DLGAP3: variants seen among roughly 807,000 people sequenced by gnomAD.
The protein encoded by DLGAP3 is DLG associated protein 3.
A neutral mutation model predicts 81.2 loss-of-function variants in DLGAP3; 17 were observed. That is an observed-to-expected ratio of 0.21 (90% CI 0.14 to 0.31). The LOEUF (loss-of-function observed/expected upper bound fraction) is 0.31. Ranked by LOEUF, DLGAP3 falls within the 10% of genes least tolerant of loss-of-function variation. The pLI is 1.00. For synonymous variants in DLGAP3, 577 were observed against 587.4 expected (o/e 0.98, Z 0.26); for missense variants, 1,124 against 1,388.0 (o/e 0.81, Z 3.02).
chr1:34,894,945 A>C (rs1309473686), intron 5 of DLGAP3, among the ~76,000 whole-genome samples: 1 of 152,246 alleles, frequency 6.6e-6, no homozygotes, highest in East Asian at 1.9e-4. Flanking sequence ...AAGATCACTT[A>C]AGTATTTGAG....
chr1:34,904,969 G>T lies in DLGAP3; in HGVS notation c.415C>A (p.Leu139Ile). 1 of 1,613,292 alleles carries T rather than the reference G, an allele frequency of 6.2e-7. No homozygotes were observed. Among genetic ancestry groups the T allele is most frequent in the Non-Finnish European group, 8.5e-7 (1 of 1,179,722 alleles). The change falls in exon 3 of 12, where the codon CTA becomes ATA. Residue 139 changes from leucine to isoleucine, a missense_variant. Physicochemically the swap from Leu to Ile is conservative, Grantham distance 5 (BLOSUM62 2). Coordinates refer to ENST00000373347, the MANE Select transcript of DLGAP3 (RefSeq NM_001080418.3). The surrounding 1 kb of genome is among the most constrained non-coding windows in gnomAD (Gnocchi z 8.1). ...CCTGCTGGCCCTCGCTGGTATGGTA[G>T]TGTGTGGAAGCCATCTTGTTGAACT... ...LPVQQDGFHT[L>I]PYQRGPAGAG...
intron 7 of DLGAP3, 24 bp from the exon 8 acceptor site, chr1:34,885,087 G>C (rs750312128): frequency 1.2e-6 from 2 of 1,602,716 alleles, no homozygotes; most frequent in Admixed American, 3.3e-5. Context: ...GGAGGAGTCA[G>C]TGGCTGTGGC....
At chr1:34,883,684 G>A (rs1639178967) in intron 8 of DLGAP3, among the ~76,000 whole-genome samples, 1 of 152,130 alleles carries the variant, frequency 6.6e-6, no homozygotes, top group African/African-American at 2.4e-5. Context: ...AACCAGGGCA[G>A]CATTATGCCA....
chr1:34,916,820 C>G (rs571158791), intron 1 of DLGAP3, among the ~76,000 whole-genome samples: 2 of 151,992 alleles, frequency 1.3e-5, no homozygotes, highest in Non-Finnish European at 2.9e-5. Context: ...CTCAGCTTCC[C>G]GAGTAGCTGA....
chr1:34,922,188 A>C (rs1354319018), intron 1 of DLGAP3, among the ~76,000 whole-genome samples: 5 of 152,134 alleles, frequency 3.3e-5, no homozygotes, highest in Admixed American at 1.3e-4. Context: ...GGCTATCCCC[A>C]AGGCCTTATA....
At chr1:34,903,663 T>C (rs961991711) in intron 3 of DLGAP3, among the ~76,000 whole-genome samples, 5 of 152,242 alleles carry the variant, frequency 3.3e-5, no homozygotes, top group South Asian at 2.1e-4. Flanking sequence ...CTGCCTGAAT[T>C]GTATCAGGGC....
In DLGAP3 at chr1:34,867,242, C is replaced by A. The variant is rs756418337; in HGVS notation, c.2578-51G>T. On this transcript the variant is annotated intron_variant, in intron 10 of 11. Coordinates refer to ENST00000373347, the MANE Select transcript of DLGAP3 (RefSeq NM_001080418.3). This position sits in a 1 kb window ranked among gnomAD's most constrained non-coding sequence, Gnocchi z 4.3. ...AGTGATTGGTCAAGGAGGTCTGAGCCCCAGCCAGGACAAGAGAAAGTCCTA... is the reference window on the plus strand; with the variant it reads ...AGTGATTGGTCAAGGAGGTCTGAGCACCAGCCAGGACAAGAGAAAGTCCTA... 11 of 1,611,460 alleles carry A rather than the reference C, an allele frequency of 6.8e-6. No individual in the cohort carries two copies. The South Asian group carries it at 1.1e-4, about 16-fold the overall frequency.
At position 34,886,300 on chromosome 1, in the gene DLGAP3, G is replaced by T. The variant is rs372105244; in HGVS notation, c.1387-15C>A. 2 of 1,560,350 alleles carry T rather than the reference G, an allele frequency of 1.3e-6. No individual in the cohort carries two copies. Among genetic ancestry groups the T allele is most frequent in the Non-Finnish European group, 1.7e-6 (2 of 1,151,956 alleles). ...TCATCGCTGAGCTGGGGGGCAGGGG[G>T]TCGGGAGGACAGTTATAAGGTGCCG... On this transcript the variant is annotated splice_polypyrimidine_tract_variant and intron_variant, in intron 5 of 11. Transcript: ENST00000373347.
intron 5 of DLGAP3, among the ~76,000 whole-genome samples, chr1:34,893,142 G>A (rs1479325062): frequency 4.9e-5 from 7 of 142,146 alleles, no homozygotes; most frequent in Non-Finnish European, 1.1e-4. Context: ...ACTGCAGTCC[G>A]CAGTCCGGCC....
In DLGAP3 at chr1:34,900,357, A is replaced by T; in HGVS notation, c.1108-84T>A. 3 of 1,434,830 alleles carry T rather than the reference A, an allele frequency of 2.1e-6. No individual in the cohort carries two copies. The highest frequency in any genetic ancestry group is 2.9e-6 in the Non-Finnish European group (3 of 1,026,098). 88.9% of individuals were successfully genotyped at this position (1,434,830 alleles called of 1,614,324 possible). A position where few individuals can be genotyped will look rare whatever the true frequency, so the allele number is the denominator to read the frequency against. ...ACTCTTTCCCCACTGCCAGTGGGAG[A>T]TGCCCTGCCCTGGCTTGAACAGGCA... On this transcript the variant is annotated intron_variant, in intron 3 of 11. Transcript: ENST00000373347. The surrounding 1 kb of genome is among the most constrained non-coding windows in gnomAD (Gnocchi z 5.6).
At position 34,868,468 on chromosome 1, in the gene DLGAP3, C is replaced by A; in HGVS notation, c.2485+137G>T. ...CTGCCGATGTTGACCCGCCACGCTC[C>A]AGTGCAGAAGACCAGTGAGGCACCA... is the stretch of plus-strand genomic sequence containing the variant. On this transcript the variant is annotated intron_variant, in intron 9 of 11. Coordinates refer to ENST00000373347, the MANE Select transcript of DLGAP3 (RefSeq NM_001080418.3). This position sits in a 1 kb window ranked among gnomAD's most constrained non-coding sequence, Gnocchi z 7.5. The A allele has an allele frequency of 1.3e-6, 1 of 745,560 alleles. No individual in the cohort carries two copies. Among genetic ancestry groups the A allele is most frequent in the East Asian group, 2.6e-5 (1 of 37,890 alleles). The allele number at this position is 745,560 out of a possible 1,614,324, so 46.2% of individuals were successfully genotyped here.
At position 34,885,556 on chromosome 1, in the gene DLGAP3, G is replaced by T; in HGVS notation, c.1836C>A (p.Ile612=). 6.2e-7 allele frequency: 1 copy of T among 1,608,158 alleles called. No individual in the cohort carries two copies. The highest frequency in any genetic ancestry group is 1.1e-5 in the South Asian group (1 of 90,974). Residue 612 remains isoleucine (I), a synonymous_variant, in exon 7 of 12, where the codon ATC becomes ATA. Coordinates refer to ENST00000373347, the MANE Select transcript of DLGAP3 (RefSeq NM_001080418.3). ...CCTCCCTGCCAGGGATGGTCTTGAT[G>T]ATGAGTGTGGGGGGCTTGGGGCTGG... The part of the protein sequence containing the change: ...PRASPKPPTL[I]IKTIPGREEL...
intron 8 of DLGAP3, among the ~76,000 whole-genome samples, chr1:34,879,662 G>A (rs1639116262): frequency 6.6e-6 from 1 of 151,760 alleles, no homozygotes; most frequent in Non-Finnish European, 1.5e-5. Flanking sequence ...GCTGTCCCTT[G>A]TCAAAAAAAT....
chr1:34,872,399 T>C (rs1370065576), intron 8 of DLGAP3, among the ~76,000 whole-genome samples: 1 of 152,154 alleles, frequency 6.6e-6, no homozygotes, highest in African/African-American at 2.4e-5. Flanking sequence ...TCAGAAAGCC[T>C]GGCTGAGAAG....
rs1219606361 is a variant in DLGAP3 at position 34,904,595 on chromosome 1, G to A, written c.789C>T (p.Ser263=). 8 of 1,614,080 alleles carry A rather than the reference G, an allele frequency of 5.0e-6. No individual in the cohort carries two copies. Among genetic ancestry groups the A allele is most frequent in the Admixed American group, 1.7e-5 (1 of 60,002 alleles). The change falls in exon 3 of 12, where the codon TCC becomes TCT. Residue 263 remains serine (S), a synonymous_variant. Coordinates refer to ENST00000373347, the MANE Select transcript of DLGAP3 (RefSeq NM_001080418.3). The surrounding 1 kb of genome is among the most constrained non-coding windows in gnomAD (Gnocchi z 8.1). The part of the protein sequence containing the change: ...HQAKSTGWWS[S]DDNLDSDSGF... Reference sequence around the variant, plus strand: ...CGCTATCACTGTCCAAGTTGTCATCGGAACTCCACCAGCCTGTGGACTTGG... The same window carrying A: ...CGCTATCACTGTCCAAGTTGTCATCAGAACTCCACCAGCCTGTGGACTTGG...
intron 11 of DLGAP3, 28 bp from the exon 12 acceptor site, chr1:34,866,329 G>T: frequency 6.7e-7 from 1 of 1,487,534 alleles, no homozygotes; most frequent in Non-Finnish European, 9.0e-7. Context: ...TCGCTGAGCT[G>T]GGGCGCCGAA....
intron 11 of DLGAP3, 120 bp downstream of exon 11, chr1:34,866,928 G>A: frequency 8.5e-7 from 1 of 1,175,352 alleles, no homozygotes; most frequent in Non-Finnish European, 1.3e-6. Context: ...CCTGTCCAAG[G>A]CTGCCCTTGC....
In DLGAP3 at chr1:34,869,012, A is replaced by C; in HGVS notation, c.2078T>G (p.Leu693Arg). The C allele has an allele frequency of 1.2e-6, 2 of 1,604,118 alleles. No homozygotes were observed. Among genetic ancestry groups the C allele is most frequent in the Non-Finnish European group, 1.7e-6 (2 of 1,179,294 alleles). Residue 693 changes from leucine (L) to arginine (R), a missense_variant, in exon 9 of 12, where the codon CTG becomes CGG. By Grantham distance (102) the Leu-to-Arg change is moderately radical. Around this residue, in one of 9 missense-constraint regions of DLGAP3, gnomAD observed 379 missense variants for 455.7 expected, o/e 0.83. Coordinates refer to ENST00000373347, the MANE Select transcript of DLGAP3 (RefSeq NM_001080418.3). ...CTTGTCTTCTGTGGCCACCGTGGCC[A>C]GGCCTGCCAGGCCCTCCAGCTCCAG... ...ADLELEGLAGLATVATEDKAL... is the reference protein window; with the variant it reads ...ADLELEGLAGRATVATEDKAL...
Position 34,873,088 on chromosome 1 carries a change from C to T in DLGAP3, c.2001-3999G>A, listed in dbSNP as rs1274354143. Among the ~76,000 whole-genome samples the T allele has an allele frequency of 6.6e-6, 1 of 152,214 alleles. No homozygotes were observed. Among genetic ancestry groups the T allele is most frequent in the Non-Finnish European group, 1.5e-5 (1 of 68,042 alleles). On this transcript the variant is annotated intron_variant, in intron 8 of 11. Coordinates refer to ENST00000373347, the MANE Select transcript of DLGAP3 (RefSeq NM_001080418.3). The surrounding 1 kb of genome is among the most constrained non-coding windows in gnomAD (Gnocchi z 4.2). ...AGGAGAAGCACTTTCCATGAATAAACATGCTCAATCCTCACAAACAGTCCC... is the reference window on the plus strand; with the variant it reads ...AGGAGAAGCACTTTCCATGAATAAATATGCTCAATCCTCACAAACAGTCCC...
Sources: gnomAD v4.1 joint callset for allele counts (sites outside exome capture counted in the v4.1 genomes callset) on GRCh38, gnomAD v4.1.1 for gene constraint, gnomAD v4.1.1 regional missense constraint, Gnocchi (gnomAD v3.1) non-coding constraint, MANE v1.5 for transcripts, NCBI Gene and HGNC (gene_info 2026-07-23, HGNC 2026-07-21) for gene names.